ESRRG: variants seen among roughly 807,000 people sequenced by gnomAD.
ESRRG encodes the protein estrogen related receptor gamma, also known as estrogen-related receptor gamma.
In ESRRG, 13 loss-of-function variants were observed where a neutral mutation model predicts 44.0. That is an observed-to-expected ratio of 0.30 (90% CI 0.19 to 0.47). The LOEUF (loss-of-function observed/expected upper bound fraction) is 0.47, where lower values mean the gene tolerates loss of function less well. ESRRG is among the 20% of genes least tolerant of loss of function. The pLI is 1.00. For missense variants in ESRRG, 395 were observed against 580.6 expected (o/e 0.68, Z 3.29); for synonymous variants, 215 against 214.6 (o/e 1.00, Z -0.02).
At chr1:217,025,350 T>C (rs1454806412) in intron 1 of ESRRG, among the ~76,000 whole-genome samples, 2 of 141,474 alleles carry the variant, frequency 1.4e-5, no homozygotes, top group African/African-American at 2.5e-5. Context: ...AAATTTCTGC[T>C]TTAAAAAAAA....
At chr1:216,768,492 A>ATCTATCTATCTG (rs1553593272) in intron 2 of ESRRG, among the ~76,000 whole-genome samples, 17 of 132,774 alleles carry the variant, frequency 1.3e-4, no homozygotes, top group African/African-American at 3.8e-4. Context: ...CTATCTATCT[A>ATCTATCTATCTG]TCTATCTATA....
At chr1:216,984,884 T>C (rs1321616576) in intron 1 of ESRRG, among the ~76,000 whole-genome samples, 1 of 152,234 alleles carries the variant, frequency 6.6e-6, no homozygotes, top group Non-Finnish European at 1.5e-5. Context: ...AGCTTCTTCA[T>C]CTGTGACATC....
chr1:216,640,657 TA>T (rs1321637095), intron 3 of ESRRG, among the ~76,000 whole-genome samples: 1 of 152,108 alleles, frequency 6.6e-6, no homozygotes. Context: ...TGCATAGCCT[TA>T]ACCAGAAAGG....
At chr1:216,899,207 G>A (rs2058775436) in intron 2 of ESRRG, among the ~76,000 whole-genome samples, 1 of 152,158 alleles carries the variant, frequency 6.6e-6, no homozygotes, top group Admixed American at 6.5e-5. Context: ...AAGACACCTG[G>A]ACTTTGTTTC....
chr1:216,850,480 A>G (rs919334349), intron 2 of ESRRG, among the ~76,000 whole-genome samples: 2 of 152,098 alleles, frequency 1.3e-5, no homozygotes, highest in African/African-American at 4.8e-5. Context: ...AGGTAGTTTT[A>G]AACCAAAACC....
intron 1 of ESRRG, among the ~76,000 whole-genome samples, chr1:216,971,798 G>A (rs527843881): frequency 7.2e-5 from 11 of 152,128 alleles, no homozygotes; most frequent in Non-Finnish European, 1.3e-4. Context: ...AGAGTGACAC[G>A]TCAAACACTA....
At chr1:216,754,479 T>C (rs906462877) in intron 2 of ESRRG, among the ~76,000 whole-genome samples, 2 of 151,976 alleles carry the variant, frequency 1.3e-5, no homozygotes, top group Non-Finnish European at 2.9e-5. Context: ...TTTGGGAGCA[T>C]CTTTCCTTCT....
rs149392809 is a variant in ESRRG, at chr1:216,531,449, C to T, written c.863-12028G>A. On this transcript the variant is annotated intron_variant, in intron 5 of 6. Coordinates refer to ENST00000408911, the MANE Select transcript of ESRRG (RefSeq NM_001438.4). ...AGTCATTATGGCTTGGCATACGTTC[C>T]ACTGGGGAGGCGACCAGTTATCTTC... Among the ~76,000 whole-genome samples the T allele has an allele frequency of 2.3e-3, 353 of 152,150 alleles. 2 individuals carry two copies. The highest frequency in any genetic ancestry group is 8.4e-3 in the African/African-American group (347 of 41,508).
chr1:216,641,540 T>C (rs966590409), intron 3 of ESRRG, among the ~76,000 whole-genome samples: 5 of 152,230 alleles, frequency 3.3e-5, no homozygotes, highest in Non-Finnish European at 7.3e-5. Flanking sequence ...TCAGATTCAT[T>C]CCTCTCTACA....
chr1:216,510,308 A>G (rs1391650187), intron 6 of ESRRG, among the ~76,000 whole-genome samples: 1 of 152,228 alleles, frequency 6.6e-6, no homozygotes, highest in Non-Finnish European at 1.5e-5. Flanking sequence ...AAGAATAAAT[A>G]TTTCAAAAGA....
intron 2 of ESRRG, among the ~76,000 whole-genome samples, chr1:216,669,524 A>G (rs939468040): frequency 1.3e-5 from 2 of 152,274 alleles, no homozygotes; most frequent in Non-Finnish European, 2.9e-5. Flanking sequence ...ATGCATTTCA[A>G]AAACTCAGAC....
chr1:216,538,361 C>T (rs958311027), intron 5 of ESRRG, among the ~76,000 whole-genome samples: 1 of 151,976 alleles, frequency 6.6e-6, no homozygotes, highest in African/African-American at 2.4e-5. Flanking sequence ...TGGGAATGGT[C>T]ACATCTTGAA....
In ESRRG at chr1:216,715,282, T is replaced by C. The variant is rs1046978664; in HGVS notation, c.56+7962A>G. On this transcript the variant is annotated intron_variant, in intron 1 of 6. Transcript: ENST00000408911. ...TAAAAGGGATGTTTCCGTCATTTCA[T>C]AGGACCCAGCACCAACTGTATACAG... 15 of 975,926 alleles carry C rather than the reference T, an allele frequency of 1.5e-5. No homozygotes were observed. In the African/African-American group the frequency reaches 1.6e-4, roughly 10 times the overall value. The allele number at this position is 975,926 out of a possible 1,614,324, so 60.5% of individuals were successfully genotyped here. A position where few individuals can be genotyped will look rare whatever the true frequency, so the allele number is the denominator to read the frequency against.
rs146071233 is a variant in ESRRG at position 216,672,731 on chromosome 1, G to A, written c.472+4345C>T. ...AAAGAGTGAAAAATTAGGTAGGCAT[G>A]GTAGTGCATGCCTGTTTTCCAGCTA... is the stretch of plus-strand genomic sequence containing the variant. On this transcript the variant is annotated intron_variant, in intron 2 of 6. Coordinates refer to ENST00000408911, the MANE Select transcript of ESRRG (RefSeq NM_001438.4). Among the ~76,000 whole-genome samples the A allele has an allele frequency of 4.4e-3, 674 of 152,098 alleles. 1 individual carries two copies. Among genetic ancestry groups the A allele is most frequent in the Admixed American group, 6.6e-3 (101 of 15,270 alleles).
intron 2 of ESRRG, among the ~76,000 whole-genome samples, chr1:216,939,420 G>A (rs1010485673): frequency 4.8e-5 from 7 of 144,646 alleles, no homozygotes; most frequent in African/African-American, 1.6e-4. Context: ...AAGGCAGAAT[G>A]CGGAAAACAT....
At chr1:216,593,974 C>G (rs1379280393) in intron 3 of ESRRG, among the ~76,000 whole-genome samples, 1 of 152,116 alleles carries the variant, frequency 6.6e-6, no homozygotes, top group African/African-American at 2.4e-5. Flanking sequence ...CTCAGGCAAT[C>G]CTCCTGCCTC....
At position 216,645,393 on chromosome 1, in the gene ESRRG, G is replaced by C. The variant is rs189750688; in HGVS notation, c.589+5580C>G. ...ATAAGTCTCTTGGTGTCATATATTG[G>C]AATAATGTTTCTATAGGCATTATAT... On this transcript the variant is annotated intron_variant, in intron 3 of 6. Transcript: ENST00000408911. 3.4e-3 allele frequency among the ~76,000 whole-genome samples: 509 copies of C among 151,562 alleles called. 2 individuals carry two copies. Among genetic ancestry groups the C allele is most frequent in the Non-Finnish European group, 4.9e-3 (335 of 67,868 alleles).
intron 1 of ESRRG, among the ~76,000 whole-genome samples, chr1:216,972,760 G>C (rs111679730): frequency 6.6e-6 from 1 of 152,172 alleles, no homozygotes; most frequent in Non-Finnish European, 1.5e-5. Context: ...TCATCTGAAA[G>C]ATGAACTAGT....
At chr1:216,813,580 A>G (rs2813674) in intron 2 of ESRRG, among the ~76,000 whole-genome samples, 39,879 of 152,124 alleles carry the variant, frequency 0.26, 5,540 homozygotes, top group East Asian at 0.48. Flanking sequence ...GAAAATTAAG[A>G]TTCAATTCTT....
Sources: gnomAD v4.1 joint callset for allele counts (sites outside exome capture counted in the v4.1 genomes callset) on GRCh38, gnomAD v4.1.1 for gene constraint, MANE v1.5 for transcripts, NCBI Gene and HGNC (gene_info 2026-07-23, HGNC 2026-07-21) for gene names.